Variants in SGTB observed in about 807,000 individuals in gnomAD.
The protein encoded by SGTB is small glutamine rich tetratricopeptide repeat co-chaperone beta.
In SGTB, 19 loss-of-function variants were observed where a neutral mutation model predicts 43.9. The observed-to-expected ratio is 0.43, with a 90% CI of 0.30 to 0.63. The LOEUF (loss-of-function observed/expected upper bound fraction) is 0.63. Ranked by LOEUF, SGTB falls within the 30% of genes least tolerant of loss-of-function variation. The pLI, the probability that SGTB is intolerant of heterozygous loss-of-function variation, is 0.12. For missense variants in SGTB, 304 were observed against 358.9 expected (o/e 0.85, Z 1.24); for synonymous variants, 116 against 117.3 (o/e 0.99, Z 0.07).
At chr5:65,670,984 A>G (rs1424280443) in intron 10 of SGTB, among the ~76,000 whole-genome samples, 1 of 152,154 alleles carries the variant, frequency 6.6e-6, no homozygotes, top group Non-Finnish European at 1.5e-5. Flanking sequence ...AATTTGATAT[A>G]AGTGAAGGCA....
At chr5:65,715,185 T>C (rs1382764796) in intron 2 of SGTB, among the ~76,000 whole-genome samples, 1 of 152,222 alleles carries the variant, frequency 6.6e-6, no homozygotes, top group Non-Finnish European at 1.5e-5. Flanking sequence ...ACAGAGATTA[T>C]TACATTTGAT....
At chr5:65,692,708 C>T (rs1440598482) in intron 5 of SGTB, among the ~76,000 whole-genome samples, 1 of 152,076 alleles carries the variant, frequency 6.6e-6, no homozygotes, top group Non-Finnish European at 1.5e-5. Flanking sequence ...GATAAAAACA[C>T]ATAGCTATAA....
Position 65,669,959 on chromosome 5 carries a change from T to C in SGTB, c.*287A>G, listed in dbSNP as rs1757124051. ...TGCTATTAAGTCTAATATACAAATA[T>C]GATAGAAGTTTGAAAATGGAACCTT... On this transcript the variant is annotated 3_prime_UTR_variant, in exon 11 of 11. Transcript: ENST00000381007. The C allele has an allele frequency of 3.6e-6, 1 of 281,512 alleles. No homozygotes were observed. Among genetic ancestry groups the C allele is most frequent in the Admixed American group, 5.0e-5 (1 of 20,022 alleles). 17.4% of individuals were successfully genotyped at this position (281,512 alleles called of 1,614,324 possible).
chr5:65,666,981 T>G lies in SGTB; in HGVS notation c.*3265A>C, dbSNP rs1275780376. 6.6e-6 allele frequency: 1 copy of G among 152,206 alleles called. No individual in the cohort carries two copies. Among genetic ancestry groups the G allele is most frequent in the East Asian group, 1.9e-4 (1 of 5,202 alleles). 9.4% of individuals were successfully genotyped at this position (152,206 alleles called of 1,614,324 possible). A position where few individuals can be genotyped will look rare whatever the true frequency, so the allele number is the denominator to read the frequency against. ...GTTTCCTGGAAGAGATTGTTTAGAA[T>G]TGATATTATTTCTCCCTTAAGTGTT... On this transcript the variant is annotated 3_prime_UTR_variant, in exon 11 of 11. Coordinates refer to ENST00000381007, the MANE Select transcript of SGTB (RefSeq NM_019072.3).
chr5:65,722,279 G>C (rs1758321833), upstream of SGTB: 2 of 976,410 alleles, frequency 2.0e-6, no homozygotes, highest in African/African-American at 3.5e-5. Flanking sequence ...GGCTAGGCCG[G>C]CTCGAGACTC....
At chr5:65,672,200 T>C in intron 9 of SGTB, 44 bp downstream of exon 9, 1 of 1,610,652 alleles carries the variant, frequency 6.2e-7, no homozygotes, top group Non-Finnish European at 8.5e-7. Flanking sequence ...GCCTGGCAAG[T>C]GGAAGGGTTG....
At chr5:65,683,940 T>C (rs959541824) in intron 6 of SGTB, among the ~76,000 whole-genome samples, 1 of 147,184 alleles carries the variant, frequency 6.8e-6, no homozygotes, top group African/African-American at 2.5e-5. Context: ...AGCGAGACTC[T>C]GTCTCAAAAA....
rs149300517 is a variant in SGTB, at chr5:65,669,452, TAACC to T, written c.*790_*793del. 872 of 152,312 alleles carry T rather than the reference TAACC, an allele frequency of 5.7e-3. 6 individuals are homozygous for T. Among genetic ancestry groups the T allele is most frequent in the African/African-American group, 0.02 (838 of 41,564 alleles). The allele number at this position is 152,312 out of a possible 1,614,324, so 9.4% of individuals were successfully genotyped here. Reference sequence around the variant, plus strand: ...AAGTCAAACAGTTGTACCACTGACCTAACCAGTACATTAAGGATTTCTAAATGTA... The same window carrying T: ...AAGTCAAACAGTTGTACCACTGACCTAGTACATTAAGGATTTCTAAATGTA... On this transcript the variant is annotated 3_prime_UTR_variant, in exon 11 of 11. Transcript: ENST00000381007.
chr5:65,678,506 C>T (rs1219689066), intron 8 of SGTB, among the ~76,000 whole-genome samples: 1 of 152,124 alleles, frequency 6.6e-6, no homozygotes, highest in East Asian at 1.9e-4. Context: ...TTTTAAAATT[C>T]ATATGGAACC....
At chr5:65,682,171 G>A (rs1340036580) in intron 6 of SGTB, among the ~76,000 whole-genome samples, 1 of 152,096 alleles carries the variant, frequency 6.6e-6, no homozygotes, top group Non-Finnish European at 1.5e-5. Flanking sequence ...GCATTGTAGT[G>A]GAAATAGCAG....
chr5:65,702,989 A>G (rs1327403733), intron 5 of SGTB, among the ~76,000 whole-genome samples: 1 of 152,262 alleles, frequency 6.6e-6, no homozygotes, highest in South Asian at 2.1e-4. Context: ...ATTTTCAAAG[A>G]AGATGGGACA....
At position 65,720,116 on chromosome 5, in the gene SGTB, T is replaced by C. The variant is rs559306178; in HGVS notation, c.100+592A>G. Among the ~76,000 whole-genome samples, 15 of 146,668 alleles carry C rather than the reference T, an allele frequency of 1.0e-4. No individual in the cohort carries two copies. In the South Asian group the frequency reaches 3.2e-3, roughly 32 times the overall value. ...TTTTTTTTTTGAGATAGGGTCTCGC[T>C]CATGGCCCAGGCTGGAGTGCAGTGG... is the stretch of plus-strand genomic sequence containing the variant. On this transcript the variant is annotated intron_variant, in intron 2 of 10. Coordinates refer to ENST00000381007, the MANE Select transcript of SGTB (RefSeq NM_019072.3).
intron 5 of SGTB, among the ~76,000 whole-genome samples, chr5:65,700,196 T>C (rs1044988361): frequency 6.6e-6 from 1 of 152,210 alleles, no homozygotes; most frequent in Non-Finnish European, 1.5e-5. Flanking sequence ...AGGTATACTG[T>C]CTTATCTTCT....
In SGTB at chr5:65,670,166, G is replaced by C. The variant is rs1212906958; in HGVS notation, c.*80C>G. The C allele has an allele frequency of 8.1e-7, 1 of 1,236,192 alleles. No individual in the cohort carries two copies. Among genetic ancestry groups the C allele is most frequent in the Non-Finnish European group, 1.2e-6 (1 of 863,670 alleles). The allele number at this position is 1,236,192 out of a possible 1,614,324, so 76.6% of individuals were successfully genotyped here. Reference sequence around the variant, plus strand: ...ATATGGTGTTTGGTTTTTTGAAGGAGGGAGGGGGTACTATCTACAACAAAT... The same window carrying C: ...ATATGGTGTTTGGTTTTTTGAAGGACGGAGGGGGTACTATCTACAACAAAT... On this transcript the variant is annotated 3_prime_UTR_variant, in exon 11 of 11. Coordinates refer to ENST00000381007, the MANE Select transcript of SGTB (RefSeq NM_019072.3).
chr5:65,722,480 G>T, upstream of SGTB: 1 of 1,428,016 alleles, frequency 7.0e-7, no homozygotes. Flanking sequence ...TGTGGTGCCT[G>T]GAGCCCGGAC....
Position 65,694,719 on chromosome 5 carries a change from T to C in SGTB, c.375-9247A>G, listed in dbSNP as rs186128437. Among the ~76,000 whole-genome samples, 166 of 152,068 alleles carry C rather than the reference T, an allele frequency of 1.1e-3. 1 individual carries two copies. Among genetic ancestry groups the C allele is most frequent in the African/African-American group, 3.9e-3 (161 of 41,518 alleles). ...TCTCAAACTCCTGACCTCAGGTGAT[T>C]CACCCACCTCGGCCTCCCAAAGCAT... On this transcript the variant is annotated intron_variant, in intron 5 of 10. Transcript: ENST00000381007.
intron 8 of SGTB, among the ~76,000 whole-genome samples, chr5:65,675,585 T>C (rs1431778272): frequency 1.3e-5 from 2 of 152,044 alleles, no homozygotes; most frequent in East Asian, 3.9e-4. Flanking sequence ...ACCCTGCCAT[T>C]CAGCCAGAGA....
intron 8 of SGTB, among the ~76,000 whole-genome samples, chr5:65,680,224 T>G (rs1757367947): frequency 6.6e-6 from 1 of 152,218 alleles, no homozygotes; most frequent in Admixed American, 6.5e-5. Context: ...TAATAGATGC[T>G]GGGCTTAATA....
intron 5 of SGTB, among the ~76,000 whole-genome samples, chr5:65,702,411 C>T (rs981273076): frequency 8.5e-5 from 13 of 152,240 alleles, no homozygotes; most frequent in African/African-American, 3.1e-4. Context: ...TTCCTTCTAC[C>T]CTTCAAATCT....
Sources: allele counts gnomAD v4.1 joint callset (sites outside exome capture counted in the v4.1 genomes callset), GRCh38; gene constraint gnomAD v4.1.1; transcripts MANE v1.5; gene names NCBI Gene and HGNC (gene_info 2026-07-23, HGNC 2026-07-21).